Variants in WDR18 observed in about 807,000 individuals in gnomAD.
WDR18 encodes WD repeat domain 18, also known as WD repeat-containing protein 18.
In WDR18, 33 loss-of-function variants were observed where a neutral mutation model predicts 49.6. That is an observed-to-expected ratio of 0.67 (90% CI 0.50 to 0.89). The LOEUF is 0.89. Among genes scored for constraint, WDR18 ranks in the 40% least tolerant of loss-of-function variants. The pLI is 0.00. For missense variants in WDR18, 653 were observed against 593.6 expected, an observed-to-expected ratio of 1.10 and a Z score of -1.04; for synonymous variants, 315 against 263.6, an observed-to-expected ratio of 1.19 and a Z score of -1.89.
In WDR18 at chr19:990,893, C is replaced by T; in HGVS notation, c.639C>T (p.Leu213=). ...CGGGGGAGCTGCTGCTCTCCGTCCT[C>T]TTTGACGTGTCCATCATGGCAGTGA... is the stretch of plus-strand genomic sequence containing the variant. ...VSSGELLLSV[L]FDVSIMAVTM... is the part of the protein sequence containing the mutation. The change falls in exon 5 of 10, where the codon CTC becomes CTT. Residue 213 remains leucine, a synonymous_variant. Coordinates refer to ENST00000585809, the MANE Select transcript of WDR18 (RefSeq NM_024100.4). The T allele has an allele frequency of 1.2e-6, 2 of 1,612,656 alleles. No homozygotes were observed. Among genetic ancestry groups the T allele is most frequent in the East Asian group, 2.2e-5 (1 of 44,888 alleles).
rs558220775 is a variant in WDR18, at chr19:994,502, C to T, written c.*158C>T. ...CTGTGACTGGGCCGTCTTGGTGTCT[C>T]GTGGCACGCGTCACAGTGGTGCTAG... On this transcript the variant is annotated 3_prime_UTR_variant, in exon 10 of 10. Coordinates refer to ENST00000585809, the MANE Select transcript of WDR18 (RefSeq NM_024100.4). 20 of 1,036,774 alleles carry T rather than the reference C, an allele frequency of 1.9e-5. No individual in the cohort carries two copies. Among genetic ancestry groups the T allele is most frequent in the Admixed American group, 2.8e-5 (1 of 35,682 alleles). 64.2% of individuals were successfully genotyped at this position (1,036,774 alleles called of 1,614,324 possible). A position where few individuals can be genotyped will look rare whatever the true frequency, so the allele number is the denominator to read the frequency against.
chr19:989,937 C>T lies in WDR18; in HGVS notation c.455+42C>T, dbSNP rs779134172. On this transcript the variant is annotated intron_variant, in intron 3 of 9. Coordinates refer to ENST00000585809, the MANE Select transcript of WDR18 (RefSeq NM_024100.4). ...TCAGGCCTGCACCTGGAACTGCACC[C>T]GGGCTCAGGCGGGGAGAGGAGGCGC... The T allele has an allele frequency of 4.5e-6, 7 of 1,550,836 alleles. No homozygotes were observed. The South Asian group carries it at 7.4e-5, about 16-fold the overall frequency.
chr19:983,196 G>A (rs538185440), upstream of WDR18, among the ~76,000 whole-genome samples: 16 of 152,232 alleles, frequency 1.1e-4, 1 homozygote, highest in South Asian at 3.1e-3. Flanking sequence ...TAATCCCAGC[G>A]GTTTAAGAGG....
Position 991,481 on chromosome 19 carries a change from G to T in WDR18, c.931+130G>T, listed in dbSNP as rs1316548218. On this transcript the variant is annotated intron_variant, in intron 7 of 9. Coordinates refer to ENST00000585809, the MANE Select transcript of WDR18 (RefSeq NM_024100.4). The stretch of plus-strand genomic sequence containing the variant: ...GGGGCCGGGCTGGGGGCGTGGACTG[G>T]CTGTGGGGCGGGGCCTGGCTGGGGG... The T allele has an allele frequency of 4.0e-5, 33 of 827,948 alleles. No homozygotes were observed. In the African/African-American group the frequency reaches 6.6e-4, roughly 17 times the overall value. The allele number at this position is 827,948 out of a possible 1,614,324, so 51.3% of individuals were successfully genotyped here.
At chr19:984,590 G>A (rs1372670251) in intron 1 of WDR18, 27 bp downstream of exon 1, 6 of 1,399,894 alleles carry the variant, frequency 4.3e-6, no homozygotes, top group Admixed American at 3.2e-5. Flanking sequence ...TCGCTGCTGG[G>A]GTCATGGGGC....
At chr19:991,635 G>T in intron 7 of WDR18, among the ~76,000 whole-genome samples, 1 of 96,822 alleles carries the variant, frequency 1.0e-5, no homozygotes, top group Non-Finnish European at 2.1e-5. Flanking sequence ...GCGTGGACTG[G>T]CTGGGGGCGT....
chr19:984,187 G>A (rs1599442393), upstream of WDR18: 2 of 740,158 alleles, frequency 2.7e-6, no homozygotes, highest in East Asian at 3.4e-5. Context: ...CGAGTCTCAG[G>A]TAAGCGGGAA....
chr19:990,138 G>C, intron 3 of WDR18, 85 bp from the exon 4 acceptor site: 1 of 1,456,082 alleles, frequency 6.9e-7, no homozygotes, highest in Middle Eastern at 2.3e-4. Context: ...GGAGGCAGGT[G>C]TGTGCGTGAG....
chr19:993,670 C>T (rs1226566978), intron 8 of WDR18, among the ~76,000 whole-genome samples: 6 of 152,226 alleles, frequency 3.9e-5, no homozygotes, highest in Non-Finnish European at 1.5e-5. Flanking sequence ...GTGAGGCCCT[C>T]GCCAGGCCCT....
chr19:993,994 A>T, intron 8 of WDR18, 26 bp from the exon 9 acceptor site: 1 of 1,548,944 alleles, frequency 6.5e-7, no homozygotes, highest in Non-Finnish European at 8.7e-7. Context: ...ACGCGCCCCG[A>T]GGTCACGTGG....
Position 992,009 on chromosome 19 carries a change from A to C in WDR18, c.986A>C (p.Asp329Ala). ...GCGCCCGTCAGCATGCTGAGCTCAG[A>C]CTTCAGGCCCAGCCTGCCGCTGCCC... ...LLAPVSMLSS[D>A]FRPSLPLPHF... is the part of the protein sequence containing the mutation. Residue 329 changes from aspartate (D) to alanine (A), a missense_variant, in exon 8 of 10, where the codon GAC (aspartate) becomes GCC (alanine). By Grantham distance (126) the Asp-to-Ala change is moderately radical (BLOSUM62 -2). Transcript: ENST00000585809. The C allele has an allele frequency of 6.3e-7, 1 of 1,597,398 alleles. No individual in the cohort carries two copies. The highest frequency in any genetic ancestry group is 8.5e-7 in the Non-Finnish European group (1 of 1,175,884).
chr19:992,897 C>T (rs544331056), intron 8 of WDR18, among the ~76,000 whole-genome samples: 4 of 152,368 alleles, frequency 2.6e-5, no homozygotes, highest in South Asian at 4.1e-4. Flanking sequence ...TCTCCCCACG[C>T]GCCCTCTTCT....
At position 985,887 on chromosome 19, in the gene WDR18, T is replaced by A; in HGVS notation, c.233T>A (p.Met78Lys). The change falls in exon 2 of 10, where the codon ATG (methionine) becomes AAG (lysine). Residue 78 changes from methionine (M) to lysine (K), a missense_variant. Physicochemically the swap from Met to Lys is moderately conservative, Grantham distance 95. Transcript: ENST00000585809. ...QRKDQLQQKI[M>K]CPGPVTCLTA... ...TAGGACCAGCTCCAGCAGAAGATCATGTGCCCCGGGCCTGTCACCTGTCTG... is the reference window on the plus strand; with the variant it reads ...TAGGACCAGCTCCAGCAGAAGATCAAGTGCCCCGGGCCTGTCACCTGTCTG... 6.2e-7 allele frequency: 1 copy of A among 1,613,916 alleles called. No individual in the cohort carries two copies. Among genetic ancestry groups the A allele is most frequent in the Middle Eastern group, 1.7e-4 (1 of 6,056 alleles).
chr19:984,814 C>A (rs1172582808), intron 1 of WDR18, among the ~76,000 whole-genome samples: 1 of 150,776 alleles, frequency 6.6e-6, no homozygotes, highest in Non-Finnish European at 1.5e-5. Context: ...AAATGGGAGA[C>A]GCTCCGGGGG....
chr19:987,797 C>T (rs550328733), intron 2 of WDR18, among the ~76,000 whole-genome samples: 10 of 149,472 alleles, frequency 6.7e-5, no homozygotes, highest in South Asian at 2.1e-4. Flanking sequence ...GTGGCACCCA[C>T]TGCCAGACCC....
rs375653259 is a variant in WDR18 at position 990,326 on chromosome 19, G to A, written c.559G>A (p.Ala187Thr). The change falls in exon 4 of 10, where the codon GCC (alanine) becomes ACC (threonine). Residue 187 changes from alanine (A) to threonine (T), a missense_variant. Coordinates refer to ENST00000585809, the MANE Select transcript of WDR18 (RefSeq NM_024100.4). ...GCACTGCGGCTTTGGGGGCCCCCTG[G>A]CCCGGGTGGCCACCTCCTCACTGGA... ...DLHCGFGGPL[A>T]RVATSSLDQT... 12 of 1,591,986 alleles carry A rather than the reference G, an allele frequency of 7.5e-6. No homozygotes were observed. Among genetic ancestry groups the A allele is most frequent in the Admixed American group, 5.1e-5 (3 of 59,202 alleles).
upstream of WDR18, among the ~76,000 whole-genome samples, chr19:983,345 G>C (rs957207712): frequency 6.6e-6 from 1 of 152,016 alleles, no homozygotes. Flanking sequence ...GCCCAGGCTG[G>C]AGTGCCTGGG....
intron 4 of WDR18, 157 bp downstream of exon 4, chr19:990,521 G>A: frequency 8.7e-7 from 1 of 1,155,432 alleles, no homozygotes; most frequent in African/African-American, 1.6e-5. Context: ...CGTCCAGGGA[G>A]GTCTGCCAGC....
rs1040709775 is a variant in WDR18 at position 984,515 on chromosome 19, G to A, written c.162G>A (p.Ala54=). The A allele has an allele frequency of 3.2e-6, 5 of 1,541,124 alleles. No individual in the cohort carries two copies. The highest frequency in any genetic ancestry group is 4.4e-6 in the Non-Finnish European group (5 of 1,145,100). The change falls in exon 1 of 10, where the codon GCG becomes GCA. Residue 54 remains alanine (A), a synonymous_variant. Transcript: ENST00000585809. ...LALLNGEYLL[A]AQLGKNYISA... Reference sequence around the variant, plus strand: ...TGCTCAATGGCGAGTATCTGCTGGCGGCGCAGCTGGGCAAGAATTACATCA... The same window carrying A: ...TGCTCAATGGCGAGTATCTGCTGGCAGCGCAGCTGGGCAAGAATTACATCA...
Sources: gnomAD v4.1 joint callset for allele counts (sites outside exome capture counted in the v4.1 genomes callset) on GRCh38, gnomAD v4.1.1 for gene constraint, MANE v1.5 for transcripts, NCBI Gene and HGNC (gene_info 2026-07-23, HGNC 2026-07-21) for gene names.